SOWAHB: variants seen among roughly 807,000 people sequenced by gnomAD.
SOWAHB encodes the protein ankyrin repeat domain-containing protein SOWAHB.
SOWAHB carries 17 observed loss-of-function variants against 18.3 expected under a neutral mutation model. The observed-to-expected ratio is 0.93, with a 90% CI of 0.64 to 1.40. The LOEUF (loss-of-function observed/expected upper bound fraction) is 1.40, where lower values mean the gene tolerates loss of function less well. Among genes scored for constraint, SOWAHB ranks in the 40% most tolerant of loss-of-function variants. SOWAHB has a pLI of 0.00. For missense variants in SOWAHB, 1,126 were observed against 1,033.7 expected, an observed-to-expected ratio of 1.09 and a Z score of -1.22; for synonymous variants, 496 against 448.1, an observed-to-expected ratio of 1.11 and a Z score of -1.35.
rs1284357445 is a variant in SOWAHB, at chr4:76,898,089, C to G, written c.-240G>C. ...CAGTCTGCGTGAGAGAGGGCGGCTC[C>G]GAGGCCGCCCCTGCGCGACTCTAGC... On this transcript the variant is annotated 5_prime_UTR_variant, in exon 1 of 1. Transcript: ENST00000334306. 18 of 501,730 alleles carry G rather than the reference C, an allele frequency of 3.6e-5. No individual in the cohort carries two copies. Among genetic ancestry groups the G allele is most frequent in the Non-Finnish European group, 5.2e-5 (15 of 287,724 alleles). The allele number at this position is 501,730 out of a possible 1,614,324, so 31.1% of individuals were successfully genotyped here.
At position 76,896,928 on chromosome 4, in the gene SOWAHB, C is replaced by T. The variant is rs776816889; in HGVS notation, c.922G>A (p.Glu308Lys). 1.2e-6 allele frequency: 2 copies of T among 1,610,370 alleles called. No individual in the cohort carries two copies. The highest frequency in any genetic ancestry group is 1.7e-6 in the Non-Finnish European group (2 of 1,178,708). The change falls in exon 1 of 1, where the codon GAG becomes AAG. Residue 308 changes from glutamate to lysine, a missense_variant. Transcript: ENST00000334306. ...ACCTGCGGGTGCCTGGCCACCCACTCTCGAGTGCGCTGCTGCTGCTGCTGC... is the reference window on the plus strand; with the variant it reads ...ACCTGCGGGTGCCTGGCCACCCACTTTCGAGTGCGCTGCTGCTGCTGCTGC... Reference protein sequence around the residue: ...TLQQQQQRTREWVARHPQVPE... With the variant: ...TLQQQQQRTRKWVARHPQVPE...
At position 76,896,416 on chromosome 4, in the gene SOWAHB, T is replaced by C. The variant is rs187978612; in HGVS notation, c.1434A>G (p.Ala478=). 568 of 1,604,132 alleles carry C rather than the reference T, an allele frequency of 3.5e-4. 4 individuals carry two copies. The East Asian group carries it at 0.011, about 31-fold the overall frequency. ...QQVPAGANGL[A]GHPLKPLPWP... is the part of the protein sequence containing the mutation. ...AAGGCAAAGGCTTCAGGGGGTGGCC[T>C]GCAAGGCCATTAGCCCCTGCAGGGA... The change falls in exon 1 of 1, where the codon GCA becomes GCG. Residue 478 remains alanine (A), a synonymous_variant. Transcript: ENST00000334306.
rs1719979862 is a variant in SOWAHB at position 76,898,049 on chromosome 4, G to A, written c.-200C>T. 5.2e-6 allele frequency: 3 copies of A among 572,900 alleles called. No homozygotes were observed. Among genetic ancestry groups the A allele is most frequent in the Non-Finnish European group, 9.0e-6 (3 of 331,714 alleles). 35.5% of individuals were successfully genotyped at this position (572,900 alleles called of 1,614,324 possible). A position where few individuals can be genotyped will look rare whatever the true frequency, so the allele number is the denominator to read the frequency against. Reference sequence around the variant, plus strand: ...TGGGTCCCCTCCGGGTGGCCCCAAGGCTGAGTCCCCGCGGCAGTCTGCGTG... The same window carrying A: ...TGGGTCCCCTCCGGGTGGCCCCAAGACTGAGTCCCCGCGGCAGTCTGCGTG... On this transcript the variant is annotated 5_prime_UTR_variant, in exon 1 of 1. Coordinates refer to ENST00000334306, the MANE Select transcript of SOWAHB (RefSeq NM_001029870.3).
At position 76,895,513 on chromosome 4, in the gene SOWAHB, A is replaced by G. The variant is rs78372520; in HGVS notation, c.2337T>C (p.Tyr779=). ...QHNKWKLANQ[Y]EKFHSPRERE... The stretch of plus-strand genomic sequence containing the variant: ...TTTCCCTTGGACTGTGGAATTTCTC[A>G]TACTGGTTGGCCAGTTTCCACTTGT... The change falls in exon 1 of 1, where the codon TAT becomes TAC. Residue 779 remains tyrosine (Y), a synonymous_variant. Coordinates refer to ENST00000334306, the MANE Select transcript of SOWAHB (RefSeq NM_001029870.3). 4.1e-3 allele frequency: 6,591 copies of G among 1,612,940 alleles called. 242 individuals are homozygous for G. In the African/African-American group the frequency reaches 0.077, roughly 19 times the overall value.
Position 76,897,646 on chromosome 4 carries a change from G to C in SOWAHB, c.204C>G (p.Thr68=), listed in dbSNP as rs570623185. Residue 68 remains threonine, a synonymous_variant, in exon 1 of 1, where the codon ACC becomes ACG. Transcript: ENST00000334306. The surrounding 1 kb of genome is among the most constrained non-coding windows in gnomAD (Gnocchi z 6.4). ...VAAVRQDPDG[T]KYVVLKRRYR... ...ATCTCCTCTTGAGCACCACGTACTT[G>C]GTGCCGTCGGGGTCCTGGCGCACTG... The C allele has an allele frequency of 6.2e-6, 10 of 1,612,322 alleles. No individual in the cohort carries two copies. The East Asian group carries it at 2.0e-4, about 32-fold the overall frequency.
rs1386156628 is a variant in SOWAHB, at chr4:76,897,441, C to A, written c.409G>T (p.Ala137Ser). The change falls in exon 1 of 1, where the codon GCA (alanine) becomes TCA (serine). Residue 137 changes from alanine to serine, a missense_variant. Physicochemically the swap from Ala to Ser is moderately conservative, Grantham distance 99 (BLOSUM62 1). Coordinates refer to ENST00000334306, the MANE Select transcript of SOWAHB (RefSeq NM_001029870.3). This position sits in a 1 kb window ranked among gnomAD's most constrained non-coding sequence, Gnocchi z 6.4. ...CAAGCTGCGTCGGCGGCTCTGGCTG[C>A]TGCACCTGCTGGCTCCTCCTCCGGC... ...KEPEEEPAGA[A>S]ARAADAACNG... 1.3e-6 allele frequency: 2 copies of A among 1,510,438 alleles called. No homozygotes were observed. The highest frequency in any genetic ancestry group is 4.1e-5 in the Admixed American group (2 of 48,494). The allele number at this position is 1,510,438 out of a possible 1,614,324, so 93.6% of individuals were successfully genotyped here.
Position 76,895,534 on chromosome 4 carries a change from CTTG to C in SOWAHB, c.2313_2315del (p.Asn771del), listed in dbSNP as rs752767184. On this transcript the variant is annotated inframe_deletion, in exon 1 of 1. Coordinates refer to ENST00000334306, the MANE Select transcript of SOWAHB (RefSeq NM_001029870.3). ...TCTCATACTGGTTGGCCAGTTTCCA[CTTG>C]TTGTGCTGACTTTTGAGTAGTGCAG... 2.4e-5 allele frequency: 38 copies of C among 1,614,142 alleles called. No homozygotes were observed. In the African/African-American group the frequency reaches 3.9e-4, roughly 16 times the overall value.
In SOWAHB at chr4:76,896,500, G is replaced by C. The variant is rs1719917011; in HGVS notation, c.1350C>G (p.Ser450Arg). The C allele has an allele frequency of 1.2e-6, 2 of 1,612,912 alleles. No homozygotes were observed. The highest frequency in any genetic ancestry group is 1.7e-6 in the Non-Finnish European group (2 of 1,179,858). ...GGLSVSRKEG[S>R]PSRSPQGLRN... is the part of the protein sequence containing the mutation. ...TGAGACCCTGAGGGCTCCGGCTGGG[G>C]CTGCCCTCCTTCCGAGATACAGAAA... Residue 450 changes from serine to arginine, a missense_variant, in exon 1 of 1, where the codon AGC becomes AGG. Physicochemically the swap from Ser to Arg is moderately radical, Grantham distance 110 (BLOSUM62 -1). Transcript: ENST00000334306.
In SOWAHB at chr4:76,897,021, G is replaced by T; in HGVS notation, c.829C>A (p.Pro277Thr). ...CGGTCTCCGCGGGGAGCGGGGCCGGGCAGGAGAGCAGGCGGGGAAGCCCTG... is the reference window on the plus strand; with the variant it reads ...CGGTCTCCGCGGGGAGCGGGGCCGGTCAGGAGAGCAGGCGGGGAAGCCCTG... ...TSRASPPALL[P>T]GPAPRGDRPE... is the part of the protein sequence containing the mutation. The change falls in exon 1 of 1, where the codon CCC becomes ACC. Residue 277 changes from proline to threonine, a missense_variant. Coordinates refer to ENST00000334306, the MANE Select transcript of SOWAHB (RefSeq NM_001029870.3). The surrounding 1 kb of genome is among the most constrained non-coding windows in gnomAD (Gnocchi z 6.4). 1 of 1,553,690 alleles carries T rather than the reference G, an allele frequency of 6.4e-7. No homozygotes were observed. The highest frequency in any genetic ancestry group is 8.6e-7 in the Non-Finnish European group (1 of 1,156,078).
rs747600929 is a variant in SOWAHB at position 76,897,851 on chromosome 4, G to C, written c.-2C>G. The C allele has an allele frequency of 6.3e-7, 1 of 1,594,666 alleles. No homozygotes were observed. The highest frequency in any genetic ancestry group is 1.7e-5 in the Admixed American group (1 of 59,510). On this transcript the variant is annotated 5_prime_UTR_variant, in exon 1 of 1. Coordinates refer to ENST00000334306, the MANE Select transcript of SOWAHB (RefSeq NM_001029870.3). This position sits in a 1 kb window ranked among gnomAD's most constrained non-coding sequence, Gnocchi z 6.4. ...CTCCTGGCTCAGCTCTCGGGCCATC[G>C]CTGCCTTGTCCTCCGCCCCAGAGGT...
rs763277007 is a variant in SOWAHB at position 76,895,926 on chromosome 4, C to A, written c.1924G>T (p.Gly642Cys). Residue 642 changes from glycine to cysteine, a missense_variant, in exon 1 of 1, where the codon GGT (glycine) becomes TGT (cysteine). Coordinates refer to ENST00000334306, the MANE Select transcript of SOWAHB (RefSeq NM_001029870.3). ...YTALHWIAKH[G>C]DLRALQDLVS... ...AAGTCCTGAAGGGCCCTGAGGTCAC[C>A]ATGTTTGGCTATCCAGTGCAACGCA... The A allele has an allele frequency of 6.2e-7, 1 of 1,614,150 alleles. No individual in the cohort carries two copies. Among genetic ancestry groups the A allele is most frequent in the South Asian group, 1.1e-5 (1 of 91,090 alleles).
In SOWAHB at chr4:76,897,035, G is replaced by A. The variant is rs570584404; in HGVS notation, c.815C>T (p.Pro272Leu). The change falls in exon 1 of 1, where the codon CCG (proline) becomes CTG (leucine). Residue 272 changes from proline (P) to leucine (L), a missense_variant. Pro to Leu is a moderately conservative substitution (Grantham distance 98, BLOSUM62 -3). Coordinates refer to ENST00000334306, the MANE Select transcript of SOWAHB (RefSeq NM_001029870.3). This position sits in a 1 kb window ranked among gnomAD's most constrained non-coding sequence, Gnocchi z 6.4. The part of the protein sequence containing the change: ...TVEAATSRAS[P>L]PALLPGPAPR... ...AGCGGGGCCGGGCAGGAGAGCAGGC[G>A]GGGAAGCCCTGCTTGTCGCAGCCTC... is the stretch of plus-strand genomic sequence containing the variant. 7 of 1,548,354 alleles carry A rather than the reference G, an allele frequency of 4.5e-6. No homozygotes were observed. In the East Asian group the frequency reaches 1.2e-4, roughly 26 times the overall value.
Position 76,896,369 on chromosome 4 carries a change from C to G in SOWAHB, c.1481G>C (p.Arg494Thr). 6.3e-7 allele frequency: 1 copy of G among 1,598,464 alleles called. No individual in the cohort carries two copies. The highest frequency in any genetic ancestry group is 8.5e-7 in the Non-Finnish European group (1 of 1,171,000). ...PLPWPVPKLR[R>T]SLRRSSLAGR... ...TGCCAGAGAGCTCCTCCTGAGGGAC[C>G]TCCTTAACTTAGGAACTGGCCAAGG... The change falls in exon 1 of 1, where the codon AGG (arginine) becomes ACG (threonine). Residue 494 changes from arginine (R) to threonine (T), a missense_variant. By Grantham distance (71) the Arg-to-Thr change is moderately conservative (BLOSUM62 -1). Coordinates refer to ENST00000334306, the MANE Select transcript of SOWAHB (RefSeq NM_001029870.3).
chr4:76,894,444 A>C lies in SOWAHB; in HGVS notation c.*1024T>G, dbSNP rs1296809802. Among the ~76,000 whole-genome samples, 1 of 152,238 alleles carries C rather than the reference A, an allele frequency of 6.6e-6. No homozygotes were observed. The highest frequency in any genetic ancestry group is 2.1e-4 in the South Asian group (1 of 4,832). On this transcript the variant is annotated 3_prime_UTR_variant, in exon 1 of 1. Coordinates refer to ENST00000334306, the MANE Select transcript of SOWAHB (RefSeq NM_001029870.3). ...TTCATGTTAGATATAGAGTACTTAA[A>C]GGCTAATATTTAATCTTAATTGGCA...
chr4:76,896,442 C>A lies in SOWAHB; in HGVS notation c.1408G>T (p.Val470Phe), dbSNP rs1263761128. Residue 470 changes from valine to phenylalanine, a missense_variant, in exon 1 of 1, where the codon GTC becomes TTC. By Grantham distance (50) the Val-to-Phe change is conservative. Transcript: ENST00000334306. ...NRGDGHISQQVPAGANGLAGH... is the reference protein window; with the variant it reads ...NRGDGHISQQFPAGANGLAGH... ...GCAAGGCCATTAGCCCCTGCAGGGA[C>A]CTGCTGAGAGATGTGACCATCCCCT... 1 of 1,611,994 alleles carries A rather than the reference C, an allele frequency of 6.2e-7. No homozygotes were observed.
At position 76,896,341 on chromosome 4, in the gene SOWAHB, C is replaced by G. The variant is rs1346439384; in HGVS notation, c.1509G>C (p.Gly503=). The part of the protein sequence containing the change: ...RRSLRRSSLA[G]RAKLSSSDEE... ...CATCAGAGGAGGACAATTTGGCTCT[C>G]CCTGCCAGAGAGCTCCTCCTGAGGG... The change falls in exon 1 of 1, where the codon GGG becomes GGC. Residue 503 remains glycine, a synonymous_variant. Coordinates refer to ENST00000334306, the MANE Select transcript of SOWAHB (RefSeq NM_001029870.3). The G allele has an allele frequency of 1.2e-6, 2 of 1,603,188 alleles. No homozygotes were observed. The highest frequency in any genetic ancestry group is 1.7e-5 in the Admixed American group (1 of 59,184).
rs1390695510 is a variant in SOWAHB at position 76,897,569 on chromosome 4, G to A, written c.281C>T (p.Ala94Val). The A allele has an allele frequency of 6.3e-7, 1 of 1,595,630 alleles. No individual in the cohort carries two copies. Among genetic ancestry groups the A allele is most frequent in the Non-Finnish European group, 8.5e-7 (1 of 1,175,382 alleles). The change falls in exon 1 of 1, where the codon GCG becomes GTG. Residue 94 changes from alanine (A) to valine (V), a missense_variant. Ala to Val is a moderately conservative substitution (Grantham distance 64). Coordinates refer to ENST00000334306, the MANE Select transcript of SOWAHB (RefSeq NM_001029870.3). The surrounding 1 kb of genome is among the most constrained non-coding windows in gnomAD (Gnocchi z 6.4). Reference protein sequence around the residue: ...EGLQRPREPPAAAPSAGGAAP... With the variant: ...EGLQRPREPPVAAPSAGGAAP... ...AGCTCCCCCTGCACTGGGGGCGGCC[G>A]CGGGCGGCTCGCGGGGTCGCTGCAG...
At position 76,894,833 on chromosome 4, in the gene SOWAHB, G is replaced by A. The variant is rs1347899580; in HGVS notation, c.*635C>T. On this transcript the variant is annotated 3_prime_UTR_variant, in exon 1 of 1. Transcript: ENST00000334306. ...CTCTGATCAGTGAGAAGACCCAAAG[G>A]AGGCATTAATCATTTTACCCATTAA... The A allele has an allele frequency of 6.6e-6, 1 of 152,180 alleles. No homozygotes were observed. Among genetic ancestry groups the A allele is most frequent in the Non-Finnish European group, 1.5e-5 (1 of 68,034 alleles). 9.4% of individuals were successfully genotyped at this position (152,180 alleles called of 1,614,324 possible). A position where few individuals can be genotyped will look rare whatever the true frequency, so the allele number is the denominator to read the frequency against.
chr4:76,897,442 T>G lies in SOWAHB; in HGVS notation c.408A>C (p.Ala136=), dbSNP rs1296015009. ...AAGCTGCGTCGGCGGCTCTGGCTGC[T>G]GCACCTGCTGGCTCCTCCTCCGGCT... ...EKEPEEEPAG[A]AARAADAACN... The change falls in exon 1 of 1, where the codon GCA becomes GCC. Residue 136 remains alanine (A), a synonymous_variant. Transcript: ENST00000334306. This position sits in a 1 kb window ranked among gnomAD's most constrained non-coding sequence, Gnocchi z 6.4. 2 of 1,510,352 alleles carry G rather than the reference T, an allele frequency of 1.3e-6. No individual in the cohort carries two copies. Among genetic ancestry groups the G allele is most frequent in the South Asian group, 2.5e-5 (2 of 81,128 alleles). 93.6% of individuals were successfully genotyped at this position (1,510,352 alleles called of 1,614,324 possible).
Sources: allele counts gnomAD v4.1 joint callset (sites outside exome capture counted in the v4.1 genomes callset), GRCh38; gene constraint gnomAD v4.1.1; non-coding constraint Gnocchi (gnomAD v3.1); transcripts MANE v1.5; gene names NCBI Gene and HGNC (gene_info 2026-07-23, HGNC 2026-07-21).